Variants in METTL24 observed in about 807,000 individuals in gnomAD.
The protein encoded by METTL24 is methyltransferase like 24.
METTL24 carries 29 observed loss-of-function variants against 32.7 expected under a neutral mutation model. The observed-to-expected ratio is 0.89, with a 90% CI of 0.66 to 1.21. The LOEUF (loss-of-function observed/expected upper bound fraction) is 1.21. Ranked by LOEUF, METTL24 falls within the 50% of genes most tolerant of loss-of-function variation. The pLI is 0.00. For synonymous variants in METTL24, 163 were observed against 179.5 expected (o/e 0.91, Z 0.73); for missense variants, 439 against 468.1 (o/e 0.94, Z 0.57).
At position 110,334,528 on chromosome 6, in the gene METTL24, C is replaced by T. The variant is rs190857131; in HGVS notation, c.319-11656G>A. On this transcript the variant is annotated intron_variant, in intron 1 of 4. Coordinates refer to ENST00000338882, the MANE Select transcript of METTL24 (RefSeq NM_001123364.3). ...GTAGACACTGGATGGTGCTTGAATC[C>T]TCTCCTCTGAGACAGGACAAAAGCA... Among the ~76,000 whole-genome samples the T allele has an allele frequency of 2.0e-5, 3 of 152,264 alleles. No individual in the cohort carries two copies. In the East Asian group the frequency reaches 5.8e-4, roughly 29 times the overall value.
At chr6:110,276,693 C>A (rs1456843115) in intron 4 of METTL24, among the ~76,000 whole-genome samples, 1 of 152,128 alleles carries the variant, frequency 6.6e-6, no homozygotes, top group African/African-American at 2.4e-5. Flanking sequence ...GGACCTCCCC[C>A]CATTTCTGAA....
At chr6:110,268,298 A>T (rs894784159) in intron 4 of METTL24, among the ~76,000 whole-genome samples, 7 of 152,178 alleles carry the variant, frequency 4.6e-5, no homozygotes, top group Non-Finnish European at 8.8e-5. Flanking sequence ...AAGATCACAC[A>T]TATCTATTAA....
chr6:110,332,985 A>C (rs571367286), intron 1 of METTL24, among the ~76,000 whole-genome samples: 99 of 150,768 alleles, frequency 6.6e-4, no homozygotes, highest in Non-Finnish European at 1.2e-3. Context: ...TGTAAGGATT[A>C]TCTCTCTCTC....
chr6:110,332,755 C>T (rs1772130704), intron 1 of METTL24, among the ~76,000 whole-genome samples: 1 of 151,658 alleles, frequency 6.6e-6, no homozygotes, highest in Non-Finnish European at 1.5e-5. Context: ...TGAAAAGTTA[C>T]AAAATTAGCC....
At chr6:110,319,462 T>TAGATAGAC (rs61447199) in intron 2 of METTL24, among the ~76,000 whole-genome samples, 1 of 151,180 alleles carries the variant, frequency 6.6e-6, no homozygotes, top group Admixed American at 6.6e-5. Context: ...GATAGATAGA[T>TAGATAGAC]GACAGACAGA....
At chr6:110,340,007 C>G (rs1663969730) in intron 1 of METTL24, among the ~76,000 whole-genome samples, 1 of 152,128 alleles carries the variant, frequency 6.6e-6, no homozygotes, top group African/African-American at 2.4e-5. Flanking sequence ...ATGAATTTTC[C>G]CACCTTTAAA....
chr6:110,308,030 GAAT>G (rs1771655154), intron 3 of METTL24, among the ~76,000 whole-genome samples: 1 of 152,182 alleles, frequency 6.6e-6, no homozygotes, highest in Admixed American at 6.5e-5. Context: ...AAAGGTAATA[GAAT>G]AATAGTGGAG....
intron 1 of METTL24, among the ~76,000 whole-genome samples, chr6:110,354,045 G>A (rs550635311): frequency 4.1e-4 from 63 of 152,296 alleles, no homozygotes; most frequent in Admixed American, 7.8e-4. Context: ...TGGAGATGAA[G>A]AGTCCCGACA....
intron 1 of METTL24, among the ~76,000 whole-genome samples, chr6:110,354,870 G>A (rs958819768): frequency 5.9e-5 from 9 of 152,172 alleles, no homozygotes; most frequent in Non-Finnish European, 7.3e-5. Flanking sequence ...AATAGCTAGC[G>A]AGAAGGAAAT....
intron 4 of METTL24, among the ~76,000 whole-genome samples, chr6:110,250,209 C>G (rs1212340280): frequency 3.9e-5 from 6 of 152,034 alleles, no homozygotes; most frequent in South Asian, 4.2e-4. Context: ...GTTGTGAAGA[C>G]TAGAATTCCA....
Position 110,358,017 on chromosome 6 carries a change from C to G in METTL24, c.256G>C (p.Gly86Arg). 1 of 1,153,186 alleles carries G rather than the reference C, an allele frequency of 8.7e-7. No homozygotes were observed. The highest frequency in any genetic ancestry group is 1.1e-6 in the Non-Finnish European group (1 of 937,982). The allele number at this position is 1,153,186 out of a possible 1,614,324, so 71.4% of individuals were successfully genotyped here. The stretch of plus-strand genomic sequence containing the variant: ...GGCTCCGGCGTCCCGCTCCCGCCGC[C>G]CCCCGGCGGCGCCCGGCGACCGCTG... ...VRSGRRAPPG[G>R]GGSGTPEPGC... Residue 86 changes from glycine to arginine, a missense_variant, in exon 1 of 5, where the codon GGC becomes CGC. Gly to Arg is a moderately radical substitution (Grantham distance 125). Coordinates refer to ENST00000338882, the MANE Select transcript of METTL24 (RefSeq NM_001123364.3).
At position 110,299,004 on chromosome 6, in the gene METTL24, G is replaced by A; in HGVS notation, c.704C>T (p.Pro235Leu). ...TTTTTGGGCAGCAACAGCTGGATGG[G>A]GATCCCGCCAGTCAATGGACAAGCG... ...YHRLSIDWRD[P>L]HPAVAAQKPH... The change falls in exon 4 of 5, where the codon CCC (proline) becomes CTC (leucine). Residue 235 changes from proline to leucine, a missense_variant. Coordinates refer to ENST00000338882, the MANE Select transcript of METTL24 (RefSeq NM_001123364.3). 6.2e-7 allele frequency: 1 copy of A among 1,614,138 alleles called. No homozygotes were observed. Among genetic ancestry groups the A allele is most frequent in the East Asian group, 2.2e-5 (1 of 44,878 alleles).
At chr6:110,333,163 A>AAACAT (rs1772139317) in intron 1 of METTL24, among the ~76,000 whole-genome samples, 1 of 152,170 alleles carries the variant, frequency 6.6e-6, no homozygotes, top group Non-Finnish European at 1.5e-5. Context: ...GACTTACTTC[A>AAACAT]GTCAGTTACC....
At chr6:110,339,629 C>G (rs1033119682) in intron 1 of METTL24, among the ~76,000 whole-genome samples, 2 of 152,184 alleles carry the variant, frequency 1.3e-5, no homozygotes, top group Non-Finnish European at 2.9e-5. Flanking sequence ...ATCAGAACTC[C>G]AGCCAGGGGC....
rs1392843462 is a variant in METTL24 at position 110,358,196 on chromosome 6, C to T, written c.77G>A (p.Gly26Asp). 6.9e-7 allele frequency: 1 copy of T among 1,457,118 alleles called. No individual in the cohort carries two copies. Among genetic ancestry groups the T allele is most frequent in the Non-Finnish European group, 9.0e-7 (1 of 1,111,214 alleles). The allele number at this position is 1,457,118 out of a possible 1,614,324, so 90.3% of individuals were successfully genotyped here. A position where few individuals can be genotyped will look rare whatever the true frequency, so the allele number is the denominator to read the frequency against. ...CCGCAGCTCTGCGCAGAGCCGCAGG[C>T]CGAACAACAGCACAGCCCCGAGTAG... ...RCLLGAVLLF[G>D]LRLCAELRRA... The change falls in exon 1 of 5, where the codon GGC (glycine) becomes GAC (aspartate). Residue 26 changes from glycine to aspartate, a missense_variant. Transcript: ENST00000338882.
chr6:110,281,528 C>A (rs1183781398), intron 4 of METTL24, among the ~76,000 whole-genome samples: 3 of 151,868 alleles, frequency 2.0e-5, no homozygotes, highest in Admixed American at 6.6e-5. Flanking sequence ...GTAATCCCAG[C>A]CACTAAGGAG....
chr6:110,315,845 T>C (rs1771810542), intron 2 of METTL24, among the ~76,000 whole-genome samples: 1 of 152,066 alleles, frequency 6.6e-6, no homozygotes, highest in Non-Finnish European at 1.5e-5. Context: ...ACCGAGAGGC[T>C]TGGACCAAGA....
intron 4 of METTL24, among the ~76,000 whole-genome samples, chr6:110,281,758 C>T (rs1771140975): frequency 6.6e-6 from 1 of 150,920 alleles, no homozygotes; most frequent in East Asian, 1.9e-4. Flanking sequence ...TTCCTGAGCA[C>T]TTAGTTCAGT....
At chr6:110,322,170 G>C (rs1465218411) in intron 2 of METTL24, among the ~76,000 whole-genome samples, 1 of 152,182 alleles carries the variant, frequency 6.6e-6, no homozygotes, top group East Asian at 1.9e-4. Flanking sequence ...TGCCTGCTCG[G>C]GGCACTGGCT....
Sources: allele counts gnomAD v4.1 joint callset (sites outside exome capture counted in the v4.1 genomes callset), GRCh38; gene constraint gnomAD v4.1.1; transcripts MANE v1.5; gene names NCBI Gene and HGNC (gene_info 2026-07-23, HGNC 2026-07-21).